The following VSNL1 variants were observed in gnomAD, a reference collection of about 807,000 sequenced individuals.
VSNL1 encodes the protein visinin-like protein 1.
VSNL1 carries 6 observed loss-of-function variants against 20.4 expected under a neutral mutation model. The ratio of observed to expected loss-of-function variants is 0.29; its 90% CI spans 0.16 to 0.58. The LOEUF is 0.58. Among genes scored for constraint, VSNL1 ranks in the 20% least tolerant of loss-of-function variants. The pLI, the probability that VSNL1 is intolerant of heterozygous loss-of-function variation, is 0.90. For missense variants in VSNL1, 100 were observed against 234.5 expected (o/e 0.43, Z 3.75); for synonymous variants, 93 against 86.4 (o/e 1.08, Z -0.42).
intron 3 of VSNL1, among the ~76,000 whole-genome samples, chr2:17,653,200 G>A: frequency 6.6e-6 from 1 of 152,134 alleles, no homozygotes; most frequent in East Asian, 1.9e-4. Flanking sequence ...CTTCTTGGTT[G>A]TCGTGTTCAC....
At chr2:17,555,435 TG>T (rs982893869) in intron 1 of VSNL1, among the ~76,000 whole-genome samples, 1 of 152,192 alleles carries the variant, frequency 6.6e-6, no homozygotes, top group Non-Finnish European at 1.5e-5. Context: ...TGCCATGCTT[TG>T]CCTGTATGAT....
At chr2:17,624,614 T>C (rs978839287) in intron 2 of VSNL1, among the ~76,000 whole-genome samples, 2 of 152,124 alleles carry the variant, frequency 1.3e-5, no homozygotes, top group African/African-American at 4.8e-5. Flanking sequence ...GGATTCCGTC[T>C]GCCACCACTG....
rs1481765483 is a variant in VSNL1, at chr2:17,634,976, G to C, written c.163-14434G>C. On this transcript the variant is annotated intron_variant, in intron 2 of 3. Coordinates refer to ENST00000295156, the MANE Select transcript of VSNL1 (RefSeq NM_003385.5). This position sits in a 1 kb window ranked among gnomAD's most constrained non-coding sequence, Gnocchi z 4.3. ...CATACACACGTACACACACATACAT[G>C]TGCACATACATACATACACACTTGG... Among the ~76,000 whole-genome samples, 5 of 152,074 alleles carry C rather than the reference G, an allele frequency of 3.3e-5. No individual in the cohort carries two copies. The highest frequency in any genetic ancestry group is 1.2e-4 in the African/African-American group (5 of 41,408).
intron 2 of VSNL1, among the ~76,000 whole-genome samples, chr2:17,637,064 C>T (rs1251344541): frequency 6.6e-6 from 1 of 152,204 alleles, no homozygotes; most frequent in African/African-American, 2.4e-5. Context: ...TTGCTGCCTC[C>T]ACCCTCTAGA....
At chr2:17,579,406 C>T (rs916377551) in intron 1 of VSNL1, among the ~76,000 whole-genome samples, 41 of 152,180 alleles carry the variant, frequency 2.7e-4, no homozygotes, top group African/African-American at 7.9e-4. Context: ...TGAGCCACCG[C>T]GCCTGGCCAC....
intron 1 of VSNL1, among the ~76,000 whole-genome samples, chr2:17,551,117 C>T (rs924197404): frequency 2.6e-5 from 4 of 152,152 alleles, no homozygotes; most frequent in Non-Finnish European, 5.9e-5. Context: ...TCACACACCC[C>T]AGGATAATGG....
intron 1 of VSNL1, among the ~76,000 whole-genome samples, chr2:17,565,881 T>A (rs1341855120): frequency 6.6e-6 from 1 of 152,148 alleles, no homozygotes; most frequent in African/African-American, 2.4e-5. Context: ...TGATAGTGAG[T>A]CAGTTCTCAT....
chr2:17,618,499 A>G (rs1276276653), intron 2 of VSNL1, among the ~76,000 whole-genome samples: 2 of 152,168 alleles, frequency 1.3e-5, no homozygotes, highest in Non-Finnish European at 1.5e-5. Flanking sequence ...TAATTTCCAC[A>G]TTTGCAGGTC....
At chr2:17,615,937 A>G (rs1052741974) in intron 2 of VSNL1, among the ~76,000 whole-genome samples, 13 of 152,248 alleles carry the variant, frequency 8.5e-5, no homozygotes, top group African/African-American at 2.9e-4. Context: ...CAAGATCATC[A>G]TGATTCATTT....
At position 17,649,384 on chromosome 2, in the gene VSNL1, C is replaced by G; in HGVS notation, c.163-26C>G. 1 of 1,611,794 alleles carries G rather than the reference C, an allele frequency of 6.2e-7. No homozygotes were observed. The highest frequency in any genetic ancestry group is 8.5e-7 in the Non-Finnish European group (1 of 1,177,848). On this transcript the variant is annotated intron_variant, in intron 2 of 3. Transcript: ENST00000295156. The surrounding 1 kb of genome is among the most constrained non-coding windows in gnomAD (Gnocchi z 6.4). The stretch of plus-strand genomic sequence containing the variant: ...CCCCGATTCCATCCCCTCCCGACAC[C>G]TGACTGCGCGTGTTCTCCTTTGCAG...
In VSNL1 at chr2:17,586,447, G is replaced by A. The variant is rs142141724; in HGVS notation, c.-5-5623G>A. ...GCTTAAGAGGTTTCACCTGGGGACC[G>A]GTGACAGGTGAAGGTGCCTGATTTG... On this transcript the variant is annotated intron_variant, in intron 1 of 3. Coordinates refer to ENST00000295156, the MANE Select transcript of VSNL1 (RefSeq NM_003385.5). Among the ~76,000 whole-genome samples, 634 of 152,270 alleles carry A rather than the reference G, an allele frequency of 4.2e-3. 6 individuals are homozygous for A. The highest frequency in any genetic ancestry group is 0.014 in the African/African-American group (586 of 41,538).
intron 2 of VSNL1, among the ~76,000 whole-genome samples, chr2:17,614,354 C>T (rs910454153): frequency 6.6e-6 from 1 of 152,260 alleles, no homozygotes; most frequent in Non-Finnish European, 1.5e-5. Flanking sequence ...GTTGGCAGAA[C>T]TTCCAAGCCC....
intron 3 of VSNL1, among the ~76,000 whole-genome samples, chr2:17,653,098 G>C (rs1666155533): frequency 6.6e-6 from 1 of 152,222 alleles, no homozygotes; most frequent in African/African-American, 2.4e-5. Context: ...AGGTCCATCA[G>C]GGCTGGGGAC....
At chr2:17,553,817 C>G (rs1663609757) in intron 1 of VSNL1, among the ~76,000 whole-genome samples, 1 of 152,188 alleles carries the variant, frequency 6.6e-6, no homozygotes, top group Non-Finnish European at 1.5e-5. Flanking sequence ...CCATTAAATG[C>G]TTAGCGGAAC....
chr2:17,574,963 T>C (rs1184851924), intron 1 of VSNL1, among the ~76,000 whole-genome samples: 4 of 152,050 alleles, frequency 2.6e-5, no homozygotes, highest in Admixed American at 6.6e-5. Context: ...TACCCTTCTT[T>C]CCTTCCTTCC....
chr2:17,601,242 C>T (rs1381112778), intron 2 of VSNL1, among the ~76,000 whole-genome samples: 1 of 152,162 alleles, frequency 6.6e-6, no homozygotes, highest in Non-Finnish European at 1.5e-5. Flanking sequence ...GACATTGAAG[C>T]CCTTGAATGA....
Position 17,649,662 on chromosome 2 carries a change from A to T in VSNL1, c.378+37A>T, listed in dbSNP as rs1387282450. 6.2e-7 allele frequency: 1 copy of T among 1,605,702 alleles called. No homozygotes were observed. Among genetic ancestry groups the T allele is most frequent in the East Asian group, 2.2e-5 (1 of 44,820 alleles). The stretch of plus-strand genomic sequence containing the variant: ...GGTGTGGTTGGCGGGTGGTGGGCAC[A>T]GAAGGAGACCCCACGGCAGCCTCCT... On this transcript the variant is annotated intron_variant, in intron 3 of 3. Transcript: ENST00000295156. The surrounding 1 kb of genome is among the most constrained non-coding windows in gnomAD (Gnocchi z 6.4).
At chr2:17,642,089 A>G (rs1303295499) in intron 2 of VSNL1, among the ~76,000 whole-genome samples, 1 of 152,194 alleles carries the variant, frequency 6.6e-6, no homozygotes, top group Non-Finnish European at 1.5e-5. Context: ...AAGAGACAAG[A>G]TGACGTGACC....
intron 1 of VSNL1, among the ~76,000 whole-genome samples, chr2:17,563,283 G>GAGGCTTT (rs1369571106): frequency 6.6e-6 from 1 of 152,216 alleles, no homozygotes; most frequent in African/African-American, 2.4e-5. Flanking sequence ...AGAGGATAGT[G>GAGGCTTT]AGGCTTTGAG....
Sources: allele counts gnomAD v4.1 joint callset (sites outside exome capture counted in the v4.1 genomes callset), GRCh38; gene constraint gnomAD v4.1.1; non-coding constraint Gnocchi (gnomAD v3.1); transcripts MANE v1.5; gene names NCBI Gene and HGNC (gene_info 2026-07-23, HGNC 2026-07-21).